Variants in ATRX observed in about 807,000 individuals in gnomAD.
ATRX encodes the protein ATRX chromatin remodeler.
ATRX carries 12 observed loss-of-function variants against 172.6 expected under a neutral mutation model. The ratio of observed to expected loss-of-function variants is 0.07; its 90% CI spans 0.04 to 0.11. The LOEUF (loss-of-function observed/expected upper bound fraction) is 0.11. Ranked by LOEUF, ATRX falls within the 10% of genes least tolerant of loss-of-function variation. The probability of loss-of-function intolerance (pLI) is 1.00; values close to 1 mark genes in which losing one functional copy is unlikely to be tolerated. For synonymous variants in ATRX, 674 were observed against 594.7 expected, an observed-to-expected ratio of 1.13 and a Z score of -1.94; for missense variants, 1,368 against 1,767.4, an observed-to-expected ratio of 0.77 and a Z score of 4.05.
At chrX:77,649,611 G>A (rs1340973882) in intron 15 of ATRX, among the ~76,000 whole-genome samples, 5 of 111,689 alleles carry the variant, frequency 4.5e-5, no homozygotes, top group East Asian at 5.6e-4. Flanking sequence ...GTTGTGGGAC[G>A]GACCCAGTGG....
intron 12 of ATRX, 105 bp from the exon 13 acceptor site, chrX:77,656,758 A>G (rs2069575907): frequency 3.2e-6 from 2 of 618,431 alleles, no homozygotes; most frequent in East Asian, 7.3e-5. Flanking sequence ...TTGTAAGAAC[A>G]TCAGAGGTAT....
intron 5 of ATRX, 86 bp from the exon 6 acceptor site, chrX:77,694,023 G>T: frequency 1.4e-6 from 1 of 725,048 alleles, no homozygotes. Flanking sequence ...AGCCAACATT[G>T]CTGGTACATA....
At chrX:77,619,508 A>T (rs1459314376) in intron 20 of ATRX, among the ~76,000 whole-genome samples, 1 of 111,499 alleles carries the variant, frequency 9.0e-6, no homozygotes, top group Admixed American at 9.6e-5. Flanking sequence ...GTAAAAAAAA[A>T]AAATTAATTA....
At chrX:77,611,632 G>T (rs2067155982) in intron 22 of ATRX, among the ~76,000 whole-genome samples, 1 of 111,017 alleles carries the variant, frequency 9.0e-6, no homozygotes, top group Non-Finnish European at 1.9e-5. Context: ...CTGTGATGGG[G>T]TATCACTTGA....
chrX:77,646,034 T>C (rs1267596085), intron 15 of ATRX, among the ~76,000 whole-genome samples: 2 of 110,726 alleles, frequency 1.8e-5, no homozygotes, highest in Admixed American at 9.6e-5. Context: ...AAGAAAGCAG[T>C]AATGGAGGAA....
chrX:77,612,316 G>A (rs1410104694), intron 22 of ATRX, among the ~76,000 whole-genome samples: 1 of 109,308 alleles, frequency 9.1e-6, no homozygotes, highest in African/African-American at 3.3e-5. Flanking sequence ...CCATTTGGGG[G>A]TACTTTTTAA....
intron 7 of ATRX, among the ~76,000 whole-genome samples, chrX:77,687,521 C>A (rs1294483735): frequency 8.9e-6 from 1 of 112,038 alleles, no homozygotes; most frequent in Non-Finnish European, 1.9e-5. Flanking sequence ...AAGGTGCTCA[C>A]TGATACAAAC....
chrX:77,736,585 TAAAGA>T (rs781839443), intron 1 of ATRX, among the ~76,000 whole-genome samples: 20 of 112,300 alleles, frequency 1.8e-4, no homozygotes, highest in Non-Finnish European at 3.4e-4. Flanking sequence ...GGCAATGATG[TAAAGA>T]AAAGAAAATC....
At position 77,696,669 on chromosome X, in the gene ATRX, T is replaced by A. The variant is rs1064796774; in HGVS notation, c.278A>T (p.Asp93Val). ...PSIVTKYVESDDEKPLDDETV... is the reference protein window; with the variant it reads ...PSIVTKYVESVDEKPLDDETV... ...TTCATCATCCAAAGGTTTTTCATCA[T>A]CTGATTCTACATACTTTGTTACAAT... Residue 93 changes from aspartate (D) to valine (V), a missense_variant, in exon 5 of 35, where the codon GAT (aspartate) becomes GTT (valine). Asp to Val is a radical substitution (Grantham distance 152). Coordinates refer to ENST00000373344, the MANE Select transcript of ATRX (RefSeq NM_000489.6). The A allele has an allele frequency of 8.3e-7, 1 of 1,199,048 alleles. No homozygotes were observed. The highest frequency in any genetic ancestry group is 2.2e-5 in the Admixed American group (1 of 45,841).
intron 7 of ATRX, among the ~76,000 whole-genome samples, chrX:77,687,224 T>C (rs2071629990): frequency 9.3e-6 from 1 of 107,235 alleles, no homozygotes; most frequent in East Asian, 3.0e-4. Flanking sequence ...CTCATACATC[T>C]AGCTACTAAA....
rs1486056769 is a variant in ATRX at position 77,681,590 on chromosome X, A to G, written c.3666T>C (p.Asp1222=). ...CAGTCACAGGCTTAATTTTCTGTTC[A>G]TCGCTGCTTCCCTCACCTATAGAAT... ...DQNSIGEGSS[D]EQKIKPVTEN... is the part of the protein sequence containing the mutation. The change falls in exon 9 of 35, where the codon GAT becomes GAC. Residue 1222 remains aspartate, a synonymous_variant. Transcript: ENST00000373344. The G allele has an allele frequency of 1.7e-6, 2 of 1,209,254 alleles. No individual in the cohort carries two copies. The highest frequency in any genetic ancestry group is 2.2e-6 in the Non-Finnish European group (2 of 894,661).
At chrX:77,621,229 A>G (rs781906620) in intron 19 of ATRX, among the ~76,000 whole-genome samples, 2 of 112,443 alleles carry the variant, frequency 1.8e-5, no homozygotes, top group South Asian at 7.4e-4. Context: ...CTGAACAAAT[A>G]TGTTCCACAG....
chrX:77,760,405 C>G (rs981777203), intron 1 of ATRX, among the ~76,000 whole-genome samples: 18 of 94,346 alleles, frequency 1.9e-4, no homozygotes, highest in African/African-American at 6.1e-4. Context: ...TAGGTGGGAA[C>G]TGAACAATGA....
intron 1 of ATRX, among the ~76,000 whole-genome samples, chrX:77,746,844 G>T (rs781823003): frequency 2.7e-5 from 3 of 111,072 alleles, no homozygotes; most frequent in African/African-American, 9.8e-5. Flanking sequence ...TGTGGCCCAG[G>T]CTGGAGTTGC....
At chrX:77,692,325 CT>C (rs782704512) in intron 6 of ATRX, among the ~76,000 whole-genome samples, 14 of 111,667 alleles carry the variant, frequency 1.3e-4, no homozygotes, top group African/African-American at 4.6e-4. Context: ...AGCTCTGTTG[CT>C]GCAATGGCAG....
chrX:77,631,931 C>A (rs2068123518), intron 19 of ATRX, among the ~76,000 whole-genome samples: 1 of 112,246 alleles, frequency 8.9e-6, no homozygotes, highest in South Asian at 3.7e-4. Flanking sequence ...TATGGGAACT[C>A]TCTGCACTAC....
intron 22 of ATRX, among the ~76,000 whole-genome samples, chrX:77,609,906 A>G (rs2067081762): frequency 8.9e-6 from 1 of 112,335 alleles, no homozygotes; most frequent in African/African-American, 3.2e-5. Flanking sequence ...ATAGTTAGGT[A>G]GAATGAATAA....
At chrX:77,638,156 C>T (rs1263338418) in intron 15 of ATRX, among the ~76,000 whole-genome samples, 2 of 111,329 alleles carry the variant, frequency 1.8e-5, no homozygotes, top group Non-Finnish European at 3.8e-5. Flanking sequence ...TTACCCATCA[C>T]TCAGCTTCAA....
At chrX:77,617,992 C>T (rs2067424593) in intron 21 of ATRX, among the ~76,000 whole-genome samples, 1 of 111,628 alleles carries the variant, frequency 9.0e-6, no homozygotes, top group South Asian at 3.7e-4. Context: ...TCAAGTGATC[C>T]TCCCACCTTG....
Sources: allele counts gnomAD v4.1 joint callset (sites outside exome capture counted in the v4.1 genomes callset), GRCh38; gene constraint gnomAD v4.1.1; transcripts MANE v1.5; gene names NCBI Gene and HGNC (gene_info 2026-07-23, HGNC 2026-07-21).